INTS6L: variants seen among roughly 807,000 people sequenced by gnomAD.
The protein encoded by INTS6L is integrator complex subunit 6-like.
A neutral mutation model predicts 64.7 loss-of-function variants in INTS6L; 18 were observed. That is an observed-to-expected ratio of 0.28 (90% CI 0.19 to 0.41). The LOEUF (loss-of-function observed/expected upper bound fraction) is 0.41, where lower values mean the gene tolerates loss of function less well. Ranked by LOEUF, INTS6L falls within the 10% of genes least tolerant of loss-of-function variation. INTS6L has a pLI of 1.00. For synonymous variants in INTS6L, 227 were observed against 235.9 expected, an observed-to-expected ratio of 0.96 and a Z score of 0.34; for missense variants, 533 against 661.0, an observed-to-expected ratio of 0.81 and a Z score of 2.12.
At chrX:135,581,190 GCA>G in intron 17 of INTS6L, 47 bp downstream of exon 17, 1 of 969,426 alleles carries the variant, frequency 1.0e-6, no homozygotes, top group Non-Finnish European at 1.4e-6. Context: ...TGTTTTTAGA[GCA>G]GTAGGGCCCA....
intron 10 of INTS6L, chrX:135,569,773 A>G (rs782389652): frequency 1.7e-5 from 2 of 117,101 alleles, no homozygotes; most frequent in African/African-American, 6.4e-5. Flanking sequence ...TTTTAACTCT[A>G]GAAATTCTCA....
intron 6 of INTS6L, among the ~76,000 whole-genome samples, chrX:135,549,186 TAGAA>T (rs1385641572): frequency 3.6e-5 from 4 of 112,357 alleles, no homozygotes; most frequent in African/African-American, 6.5e-5. Flanking sequence ...TATTTGGAAA[TAGAA>T]AGAATATATA....
At chrX:135,525,722 G>A (rs1556500766) in intron 2 of INTS6L, among the ~76,000 whole-genome samples, 1 of 112,153 alleles carries the variant, frequency 8.9e-6, no homozygotes, top group Non-Finnish European at 1.9e-5. Context: ...GATCTTATTT[G>A]CAAAAGGAGT....
intron 2 of INTS6L, among the ~76,000 whole-genome samples, chrX:135,542,035 T>C (rs1306651325): frequency 9.0e-6 from 1 of 111,633 alleles, no homozygotes; most frequent in Non-Finnish European, 1.9e-5. Flanking sequence ...TCTCTTGATA[T>C]AGGGAGCTGG....
chrX:135,522,901 G>A (rs1175845655), intron 2 of INTS6L, among the ~76,000 whole-genome samples: 1 of 112,186 alleles, frequency 8.9e-6, no homozygotes, highest in Non-Finnish European at 1.9e-5. Flanking sequence ...TTTCCCAAAA[G>A]GATGTGATCA....
At chrX:135,548,692 C>T (rs782084584) in intron 6 of INTS6L, among the ~76,000 whole-genome samples, 24 of 111,073 alleles carry the variant, frequency 2.2e-4, no homozygotes, top group Non-Finnish European at 4.2e-4. Context: ...AAAGCCATTA[C>T]ACTTTTTTTC....
intron 2 of INTS6L, among the ~76,000 whole-genome samples, chrX:135,525,368 A>G (rs1556500596): frequency 8.9e-6 from 1 of 112,683 alleles, no homozygotes; most frequent in Non-Finnish European, 1.9e-5. Context: ...CATAAAATGG[A>G]GTTACTTTTC....
chrX:135,545,662 A>G (rs1602891120), intron 3 of INTS6L, 90 bp downstream of exon 3: 1 of 886,877 alleles, frequency 1.1e-6, no homozygotes, highest in East Asian at 3.2e-5. Flanking sequence ...GTTTTCTGCT[A>G]CTTTTCATAA....
chrX:135,545,498 G>C lies in INTS6L; in HGVS notation c.265G>C (p.Gly89Arg), dbSNP rs1028861615. The change falls in exon 3 of 18, where the codon GGT becomes CGT. Residue 89 changes from glycine to arginine, a missense_variant. Gly to Arg is a moderately radical substitution (Grantham distance 125, BLOSUM62 -2). Coordinates refer to ENST00000639893, the MANE Select transcript of INTS6L (RefSeq NM_001351601.3). Reference protein sequence around the residue: ...NLQASGLTTLGQALRSSFDLL... With the variant: ...NLQASGLTTLRQALRSSFDLL... ...TCAGGCTTCTGGACTGACTACTCTCGGTCAGGCTCTAAGATCCTCATTTGA... is the reference window on the plus strand; with the variant it reads ...TCAGGCTTCTGGACTGACTACTCTCCGTCAGGCTCTAAGATCCTCATTTGA... The C allele has an allele frequency of 8.3e-7, 1 of 1,210,106 alleles. No individual in the cohort carries two copies.
chrX:135,550,274 G>C (rs1321782058), intron 7 of INTS6L, among the ~76,000 whole-genome samples: 1 of 111,716 alleles, frequency 9.0e-6, no homozygotes, highest in Non-Finnish European at 1.9e-5. Context: ...TCATCTTTTT[G>C]TAATCAATGG....
In INTS6L at chrX:135,570,478, A is replaced by G. The variant is rs1162801068; in HGVS notation, c.1330A>G (p.Ile444Val). 1.5e-5 allele frequency: 17 copies of G among 1,150,989 alleles called. No individual in the cohort carries two copies. The highest frequency in any genetic ancestry group is 2.0e-5 in the Non-Finnish European group (17 of 870,044). The allele number at this position is 1,150,989 out of a possible 1,213,427, so 94.9% of individuals were successfully genotyped here. A position where few individuals can be genotyped will look rare whatever the true frequency, so the allele number is the denominator to read the frequency against. ...ALRMMGAPNL[I>V]SDNLDCGLSY... is the part of the protein sequence containing the mutation. ...AAGGATGATGGGAGCTCCAAATCTG[A>G]TATCAGATAATTTAGATTGTGGACT... Residue 444 changes from isoleucine to valine, a missense_variant, in exon 11 of 18, where the codon ATA becomes GTA. Coordinates refer to ENST00000639893, the MANE Select transcript of INTS6L (RefSeq NM_001351601.3).
At chrX:135,559,560 G>A (rs1259931484) in intron 9 of INTS6L, among the ~76,000 whole-genome samples, 2 of 112,186 alleles carry the variant, frequency 1.8e-5, no homozygotes, top group African/African-American at 6.5e-5. Flanking sequence ...GGACATCTGT[G>A]TTGTTTATGC....
chrX:135,520,861 T>TCCCGTCTCCC lies in INTS6L; in HGVS notation c.-129_-120dup. 2 of 654,876 alleles carry TCCCGTCTCCC rather than the reference T, an allele frequency of 3.1e-6. No individual in the cohort carries two copies. The highest frequency in any genetic ancestry group is 4.8e-6 in the Non-Finnish European group (2 of 418,372). The allele number at this position is 654,876 out of a possible 1,213,427, so 54.0% of individuals were successfully genotyped here. On this transcript the variant is annotated 5_prime_UTR_variant, in exon 1 of 18. Coordinates refer to ENST00000639893, the MANE Select transcript of INTS6L (RefSeq NM_001351601.3). Reference sequence around the variant, plus strand: ...GAGCGGTCCCATCCGTCCCGTCCCGTCCCGTCTCCCCCTCTTCCTCTTGCT... The same window carrying TCCCGTCTCCC: ...GAGCGGTCCCATCCGTCCCGTCCCGTCCCGTCTCCCCCCGTCTCCCCCTCTTCCTCTTGCT...
chrX:135,558,376 A>G (rs887906788), intron 9 of INTS6L, among the ~76,000 whole-genome samples: 1 of 112,282 alleles, frequency 8.9e-6, no homozygotes, highest in African/African-American at 3.2e-5. Context: ...ATTATTCACA[A>G]TAGCCAAAAA....
intron 2 of INTS6L, among the ~76,000 whole-genome samples, chrX:135,526,514 T>C (rs1404936629): frequency 1.8e-5 from 2 of 111,859 alleles, no homozygotes; most frequent in Non-Finnish European, 3.8e-5. Flanking sequence ...CTGGGACACA[T>C]TGGTTGGCCA....
intron 2 of INTS6L, among the ~76,000 whole-genome samples, chrX:135,540,739 T>TC (rs1164032262): frequency 3.7e-5 from 4 of 107,471 alleles, no homozygotes; most frequent in African/African-American, 1.4e-4. Context: ...CTCCTCCTCC[T>TC]CTTCCTCCCC....
At chrX:135,546,571 C>T in intron 4 of INTS6L, 102 bp downstream of exon 4, 16 of 990,868 alleles carry the variant, frequency 1.6e-5, no homozygotes, top group Non-Finnish European at 2.2e-5. Context: ...GTCAAATCAT[C>T]CATCTTGGTA....
rs953581873 is a variant in INTS6L, at chrX:135,567,049, A to T, written c.1193-2288A>T. Among the ~76,000 whole-genome samples the T allele has an allele frequency of 3.1e-4, 35 of 111,708 alleles. 2 individuals carry two copies. The highest frequency in any genetic ancestry group is 1.9e-5 in the Non-Finnish European group (1 of 53,116). On this transcript the variant is annotated intron_variant, in intron 9 of 17. Coordinates refer to ENST00000639893, the MANE Select transcript of INTS6L (RefSeq NM_001351601.3). ...TTTTGTACGGGGCTTTTACACATACATTATGTAGTTCCTTAGAATAGTCTT... is the reference window on the plus strand; with the variant it reads ...TTTTGTACGGGGCTTTTACACATACTTTATGTAGTTCCTTAGAATAGTCTT...
intron 17 of INTS6L, 55 bp downstream of exon 17, chrX:135,581,198 GC>G: frequency 1.1e-6 from 1 of 907,529 alleles, no homozygotes; most frequent in Middle Eastern, 2.8e-4. Flanking sequence ...GAGCAGTAGG[GC>G]CCAGTGCAGG....
Sources: gnomAD v4.1 joint callset for allele counts (sites outside exome capture counted in the v4.1 genomes callset) on GRCh38, gnomAD v4.1.1 for gene constraint, MANE v1.5 for transcripts, NCBI Gene and HGNC (gene_info 2026-07-23, HGNC 2026-07-21) for gene names.